The following MRPL48 variants were observed in gnomAD, a reference collection of about 807,000 sequenced individuals.
MRPL48 encodes large ribosomal subunit protein mL48.
A neutral mutation model predicts 32.9 loss-of-function variants in MRPL48; 16 were observed. The observed-to-expected ratio is 0.49, with a 90% CI of 0.33 to 0.74. The LOEUF (loss-of-function observed/expected upper bound fraction) is 0.74, where lower values mean the gene tolerates loss of function less well. Among genes scored for constraint, MRPL48 ranks in the 30% least tolerant of loss-of-function variants. The pLI is 0.02. For synonymous variants in MRPL48, 94 were observed against 89.2 expected (o/e 1.05, Z -0.31); for missense variants, 206 against 245.3 (o/e 0.84, Z 1.07).
intron 1 of MRPL48, 86 bp downstream of exon 1, chr11:73,788,078 G>C: frequency 8.0e-7 from 1 of 1,243,866 alleles, no homozygotes; most frequent in Non-Finnish European, 1.1e-6. Context: ...GAGCGGGGAG[G>C]TGGCGGCGCG....
chr11:73,791,861 C>G (rs1344915276), intron 1 of MRPL48, among the ~76,000 whole-genome samples: 1 of 152,192 alleles, frequency 6.6e-6, no homozygotes, highest in Non-Finnish European at 1.5e-5. Context: ...ACTAGAACTT[C>G]TAACTCTTAA....
intron 7 of MRPL48, among the ~76,000 whole-genome samples, chr11:73,863,708 A>T (rs1415742839): frequency 6.6e-6 from 1 of 152,256 alleles, no homozygotes; most frequent in African/African-American, 2.4e-5. Context: ...ATGTTTGGTC[A>T]GGCATGGAAA....
chr11:73,801,539 C>T (rs1432237062), intron 1 of MRPL48, among the ~76,000 whole-genome samples: 1 of 152,162 alleles, frequency 6.6e-6, no homozygotes, highest in Non-Finnish European at 1.5e-5. Flanking sequence ...TCTGTCTATT[C>T]ACATCCTTCC....
Position 73,834,717 on chromosome 11 carries a change from T to C in MRPL48, c.201+8921T>C, listed in dbSNP as rs147582391. On this transcript the variant is annotated intron_variant, in intron 4 of 7. Transcript: ENST00000310614. ...CCCAGCTAATTTTTTGTATTTTTAG[T>C]AGAGACAGGGTTTCACCATGTTGGC... 5.3e-3 allele frequency among the ~76,000 whole-genome samples: 812 copies of C among 151,960 alleles called. 8 individuals are homozygous for C. The highest frequency in any genetic ancestry group is 0.018 in the African/African-American group (736 of 41,442).
chr11:73,816,957 C>T (rs1188666966), intron 3 of MRPL48, among the ~76,000 whole-genome samples: 1 of 151,872 alleles, frequency 6.6e-6, no homozygotes, highest in Non-Finnish European at 1.5e-5. Context: ...TCCCAAGCAG[C>T]TGGGATTACA....
At chr11:73,860,542 C>G (rs1948567333) in intron 6 of MRPL48, 1 of 152,134 alleles carries the variant, frequency 6.6e-6, no homozygotes, top group Admixed American at 6.6e-5. Flanking sequence ...GTCATTTTCC[C>G]GCTTGAAACC....
At chr11:73,864,162 A>G in intron 7 of MRPL48, 134 bp from the exon 8 acceptor site, 1 of 694,798 alleles carries the variant, frequency 1.4e-6, no homozygotes. Flanking sequence ...GCTACATAGT[A>G]GATAATAAAA....
intron 4 of MRPL48, among the ~76,000 whole-genome samples, 166 bp downstream of exon 4, chr11:73,825,962 A>G (rs1468832794): frequency 1.3e-5 from 2 of 152,204 alleles, no homozygotes; most frequent in Non-Finnish European, 2.9e-5. Flanking sequence ...AGATGTTTCT[A>G]CCAACTTCCA....
intron 3 of MRPL48, among the ~76,000 whole-genome samples, chr11:73,821,985 T>A (rs191120996): frequency 8.5e-5 from 13 of 152,292 alleles, no homozygotes; most frequent in Admixed American, 3.9e-4. Flanking sequence ...AAATCTTCGA[T>A]GAGGTTGGTT....
chr11:73,832,891 G>C (rs1343430306), intron 4 of MRPL48, among the ~76,000 whole-genome samples: 1 of 152,144 alleles, frequency 6.6e-6, no homozygotes, highest in Non-Finnish European at 1.5e-5. Context: ...GAGTATCCAT[G>C]ATGCTCAGGT....
intron 4 of MRPL48, chr11:73,842,926 C>T (rs1038529189): frequency 1.3e-5 from 2 of 152,264 alleles, no homozygotes; most frequent in East Asian, 1.9e-4. Flanking sequence ...ATCATCTCAC[C>T]TGAGCCTCCT....
intron 5 of MRPL48, chr11:73,851,059 G>A (rs961453815): frequency 2.0e-6 from 1 of 501,496 alleles, no homozygotes; most frequent in Admixed American, 2.1e-5. Flanking sequence ...AGGTTTGGCT[G>A]GCATCAATTT....
At chr11:73,794,882 T>A (rs1455469164) in intron 1 of MRPL48, among the ~76,000 whole-genome samples, 1 of 148,702 alleles carries the variant, frequency 6.7e-6, no homozygotes, top group African/African-American at 2.5e-5. Context: ...GTAGCTGGGA[T>A]AACAGGCATG....
At chr11:73,823,654 G>GT (rs57616234) in intron 3 of MRPL48, among the ~76,000 whole-genome samples, 18,089 of 105,664 alleles carry the variant, frequency 0.17, 1,459 homozygotes, top group South Asian at 0.32. Context: ...TTTCTTTTCT[G>GT]TTTTTTTTTT....
intron 6 of MRPL48, among the ~76,000 whole-genome samples, chr11:73,861,519 G>A (rs767293997): frequency 9.2e-5 from 14 of 151,978 alleles, no homozygotes; most frequent in African/African-American, 2.9e-4. Flanking sequence ...ACAGGCATGC[G>A]CCACCATGCC....
chr11:73,804,750 GAAA>G (rs1250100264), intron 1 of MRPL48, among the ~76,000 whole-genome samples: 1 of 152,198 alleles, frequency 6.6e-6, no homozygotes. Flanking sequence ...ATTGATATTA[GAAA>G]AAAATAGATT....
At chr11:73,855,132 T>C (rs924126871) in intron 5 of MRPL48, among the ~76,000 whole-genome samples, 1 of 152,160 alleles carries the variant, frequency 6.6e-6, no homozygotes, top group Non-Finnish European at 1.5e-5. Flanking sequence ...CTTGCCCTAT[T>C]CCTACACCTA....
chr11:73,816,313 G>A (rs1333150198), intron 3 of MRPL48, among the ~76,000 whole-genome samples: 5 of 136,856 alleles, frequency 3.7e-5, no homozygotes, highest in Admixed American at 7.5e-5. Flanking sequence ...CGCCCGCCTC[G>A]GCCTCCCAAA....
intron 6 of MRPL48, among the ~76,000 whole-genome samples, chr11:73,862,616 A>C (rs895740437): frequency 6.6e-6 from 1 of 151,864 alleles, no homozygotes; most frequent in African/African-American, 2.4e-5. Context: ...TAAATAAATA[A>C]ATAAGAAAGT....
Sources: gnomAD v4.1 joint callset for allele counts (sites outside exome capture counted in the v4.1 genomes callset) on GRCh38, gnomAD v4.1.1 for gene constraint, MANE v1.5 for transcripts, NCBI Gene and HGNC (gene_info 2026-07-23, HGNC 2026-07-21) for gene names.